Variants in PCSK5 observed in about 807,000 individuals in gnomAD.
PCSK5 encodes prohormone convertase 5.
PCSK5 carries 129 observed loss-of-function variants against 233.2 expected under a neutral mutation model. That is an observed-to-expected ratio of 0.55 (90% CI 0.48 to 0.64). PCSK5 has a LOEUF of 0.64. Among genes scored for constraint, PCSK5 ranks in the 30% least tolerant of loss-of-function variants. The pLI, the probability that PCSK5 is intolerant of heterozygous loss-of-function variation, is 0.00. For synonymous variants in PCSK5, 825 were observed against 879.2 expected (o/e 0.94, Z 1.09); for missense variants, 2,076 against 2,430.1 (o/e 0.85, Z 3.06).
At chr9:76,220,956 G>C (rs1825711967) in intron 20 of PCSK5, among the ~76,000 whole-genome samples, 3 of 152,070 alleles carry the variant, frequency 2.0e-5, no homozygotes, top group Admixed American at 1.3e-4. Context: ...AATTGTGGTT[G>C]TAAGCTGTTT....
In PCSK5 at chr9:76,118,844, T is replaced by C. The variant is rs12350299; in HGVS notation, c.1208+11493T>C. On this transcript the variant is annotated intron_variant, in intron 9 of 37. Transcript: ENST00000674117. ...GCTTTTAGTATAACTCCTAATGCTA[T>C]GATGCTAGTTCCAAATATTCTTAAT... Among the ~76,000 whole-genome samples, 1,391 of 152,150 alleles carry C rather than the reference T, an allele frequency of 9.1e-3. 31 individuals are homozygous for C. The highest frequency in any genetic ancestry group is 0.032 in the African/African-American group (1,333 of 41,546).
intron 13 of PCSK5, among the ~76,000 whole-genome samples, chr9:76,173,496 CTT>C (rs59248860): frequency 1.7e-3 from 106 of 60,954 alleles, no homozygotes; most frequent in East Asian, 6.1e-3. Flanking sequence ...GGCACGTTTC[CTT>C]TTTTTTTTTT....
intron 20 of PCSK5, among the ~76,000 whole-genome samples, chr9:76,219,181 A>G (rs1354660312): frequency 6.6e-6 from 1 of 152,176 alleles, no homozygotes; most frequent in Non-Finnish European, 1.5e-5. Flanking sequence ...TTTGGCTAAA[A>G]TGTTTGAGCA....
chr9:76,229,392 C>A (rs373031200), intron 21 of PCSK5, among the ~76,000 whole-genome samples: 1 of 152,320 alleles, frequency 6.6e-6, no homozygotes, highest in East Asian at 1.9e-4. Flanking sequence ...CAATTAAAAA[C>A]CTGGAGAAAG....
intron 1 of PCSK5, among the ~76,000 whole-genome samples, chr9:75,901,493 A>G (rs1463641775): frequency 6.6e-6 from 1 of 152,076 alleles, no homozygotes; most frequent in Non-Finnish European, 1.5e-5. Context: ...AAAGGGAGGG[A>G]GAGCATTAGG....
chr9:76,188,473 G>A (rs1824208637), intron 17 of PCSK5, 105 bp from the exon 18 acceptor site: 3 of 705,062 alleles, frequency 4.3e-6, no homozygotes, highest in Admixed American at 2.4e-5. Context: ...CAAATCCACT[G>A]GCCTCTGAGG....
Position 76,128,598 on chromosome 9 carries a change from C to T in PCSK5, c.1209-5511C>T, listed in dbSNP as rs77356183. Among the ~76,000 whole-genome samples the T allele has an allele frequency of 8.4e-3, 1,283 of 152,250 alleles. 12 individuals are homozygous for T. The highest frequency in any genetic ancestry group is 0.037 in the Middle Eastern group (11 of 294). ...TAAGCCAGGATTTCTAAGGAAAAGA[C>T]ACCTCAGCTTCAATGACAAAATTTT... is the stretch of plus-strand genomic sequence containing the variant. On this transcript the variant is annotated intron_variant, in intron 9 of 37. Coordinates refer to ENST00000674117, the MANE Select transcript of PCSK5 (RefSeq NM_001372043.1).
At chr9:76,308,603 A>C (rs1303880540) in intron 28 of PCSK5, 42 bp from the exon 29 acceptor site, 1 of 1,158,750 alleles carries the variant, frequency 8.6e-7, no homozygotes, top group Non-Finnish European at 1.3e-6. Context: ...CTATGTGCCT[A>C]TTCCAAGGAG....
chr9:76,158,516 T>A (rs928356), intron 11 of PCSK5, among the ~76,000 whole-genome samples: 77,035 of 151,520 alleles, frequency 0.51, 20,009 homozygotes, highest in East Asian at 0.67. Context: ...AATGTGCTGG[T>A]GGGTTACAGA....
chr9:76,129,256 A>T (rs1320908111), intron 9 of PCSK5, among the ~76,000 whole-genome samples: 2 of 40,444 alleles, frequency 4.9e-5, no homozygotes, highest in Non-Finnish European at 1.2e-4. Context: ...CATAATCTTT[A>T]AAAAAAGTGG....
At chr9:76,271,005 G>A (rs779913967) in intron 24 of PCSK5, among the ~76,000 whole-genome samples, 11 of 151,980 alleles carry the variant, frequency 7.2e-5, no homozygotes, top group African/African-American at 2.2e-4. Flanking sequence ...TTAAGTGCCC[G>A]CTGTGTACTA....
At chr9:76,193,006 T>C (rs1824486925) in intron 20 of PCSK5, among the ~76,000 whole-genome samples, 1 of 150,560 alleles carries the variant, frequency 6.6e-6, no homozygotes, top group Non-Finnish European at 1.5e-5. Flanking sequence ...CACAAATGGA[T>C]ACCAATTACA....
At chr9:75,929,222 C>T (rs554812997) in intron 1 of PCSK5, among the ~76,000 whole-genome samples, 3 of 152,244 alleles carry the variant, frequency 2.0e-5, no homozygotes, top group East Asian at 1.9e-4. Flanking sequence ...CGTGAGCCGC[C>T]GTGCACAGCT....
At chr9:75,962,835 C>T (rs1422771495) in intron 2 of PCSK5, among the ~76,000 whole-genome samples, 2 of 152,174 alleles carry the variant, frequency 1.3e-5, no homozygotes, top group Admixed American at 1.3e-4. Flanking sequence ...CAGCACAGCC[C>T]TGAATGGGCC....
chr9:75,967,177 G>T (rs1172689336), intron 2 of PCSK5, among the ~76,000 whole-genome samples: 1 of 152,026 alleles, frequency 6.6e-6, no homozygotes, highest in East Asian at 1.9e-4. Flanking sequence ...TGGGTATATT[G>T]CCTGATGCTG....
intron 24 of PCSK5, among the ~76,000 whole-genome samples, chr9:76,277,200 G>C (rs1049630565): frequency 6.6e-6 from 1 of 152,086 alleles, no homozygotes; most frequent in Non-Finnish European, 1.5e-5. Flanking sequence ...ACTCCAGCCT[G>C]GGCGACAGAG....
chr9:76,212,778 T>A (rs1044921503), intron 20 of PCSK5, among the ~76,000 whole-genome samples: 4 of 152,218 alleles, frequency 2.6e-5, no homozygotes, highest in Non-Finnish European at 4.4e-5. Flanking sequence ...TTTATCAAAT[T>A]TAGTCATTAC....
intron 10 of PCSK5, among the ~76,000 whole-genome samples, chr9:76,138,257 A>G (rs1228898188): frequency 1.3e-5 from 2 of 152,030 alleles, no homozygotes; most frequent in Non-Finnish European, 1.5e-5. Flanking sequence ...AGCCCCGACA[A>G]TCTGCCAGGT....
intron 35 of PCSK5, among the ~76,000 whole-genome samples, chr9:76,346,741 T>C (rs1829991988): frequency 6.6e-6 from 1 of 151,980 alleles, no homozygotes; most frequent in African/African-American, 2.4e-5. Flanking sequence ...GGATATAAAC[T>C]AGGTAGAAAA....
Sources: gnomAD v4.1 joint callset for allele counts (sites outside exome capture counted in the v4.1 genomes callset) on GRCh38, gnomAD v4.1.1 for gene constraint, MANE v1.5 for transcripts, NCBI Gene and HGNC (gene_info 2026-07-23, HGNC 2026-07-21) for gene names.